Variants in DDX31 observed in about 807,000 individuals in gnomAD.
The protein encoded by DDX31 is ATP-dependent DNA helicase DDX31.
In DDX31, 70 loss-of-function variants were observed where a neutral mutation model predicts 91.3. That is an observed-to-expected ratio of 0.77 (90% CI 0.63 to 0.94). The LOEUF is 0.94. DDX31 is among the 40% of genes least tolerant of loss of function. The pLI, the probability that DDX31 is intolerant of heterozygous loss-of-function variation, is 0.00. For synonymous variants in DDX31, 362 were observed against 350.6 expected (o/e 1.03, Z -0.36); for missense variants, 902 against 925.0 (o/e 0.98, Z 0.32).
At chr9:132,635,455 CTTTTTTT>C (rs981082655) in intron 14 of DDX31, among the ~76,000 whole-genome samples, 2 of 104,724 alleles carry the variant, frequency 1.9e-5, no homozygotes, top group African/African-American at 3.4e-5. Context: ...ATGTACATAG[CTTTTTTT>C]TTTTTTTTTT....
intron 16 of DDX31, among the ~76,000 whole-genome samples, chr9:132,626,661 C>T (rs1241381528): frequency 9.4e-5 from 14 of 149,102 alleles, no homozygotes. Flanking sequence ...GAAAATGTAA[C>T]AGCAAATTAA....
intron 18 of DDX31, among the ~76,000 whole-genome samples, chr9:132,616,880 T>C (rs544125745): frequency 2.0e-5 from 3 of 152,360 alleles, no homozygotes; most frequent in Admixed American, 6.5e-5. Context: ...ATTGCAATTA[T>C]AATGTGCTAA....
chr9:132,601,541 C>T (rs1830721511), intron 19 of DDX31, among the ~76,000 whole-genome samples: 1 of 152,244 alleles, frequency 6.6e-6, no homozygotes, highest in Admixed American at 6.5e-5. Context: ...GAGCATCCAT[C>T]AGTGGAGCCG....
intron 13 of DDX31, 60 bp from the exon 14 acceptor site, chr9:132,642,123 C>T: frequency 6.8e-7 from 1 of 1,463,552 alleles, no homozygotes; most frequent in Non-Finnish European, 9.6e-7. Flanking sequence ...GCAAGGTAGG[C>T]TTACATCTCC....
rs748155369 is a variant in DDX31 at position 132,612,153 on chromosome 9, C to T, written c.1928G>A (p.Gly643Glu). ...LHLGHVAKSF[G>E]LRDAPRNLSA... ...AAGATTCCTGGGGGCATCTCTTAGT[C>T]CGAAGCTCTTCGCCACATGCCCAAG... The change falls in exon 19 of 20, where the codon GGA (glycine) becomes GAA (glutamate). Residue 643 changes from glycine to glutamate, a missense_variant. Transcript: ENST00000372159. The T allele has an allele frequency of 6.2e-6, 10 of 1,614,062 alleles. No individual in the cohort carries two copies. The highest frequency in any genetic ancestry group is 1.3e-5 in the African/African-American group (1 of 74,922).
intron 18 of DDX31, among the ~76,000 whole-genome samples, chr9:132,617,107 C>T (rs1210401444): frequency 1.3e-5 from 2 of 152,150 alleles, no homozygotes; most frequent in African/African-American, 2.4e-5. Context: ...CAAAGTCCTA[C>T]GTGATTCTGC....
At chr9:132,606,467 C>G (rs572018741) in intron 19 of DDX31, among the ~76,000 whole-genome samples, 1 of 152,296 alleles carries the variant, frequency 6.6e-6, no homozygotes, top group East Asian at 1.9e-4. Flanking sequence ...GTTCACTTTT[C>G]GTACTCTCGG....
intron 1 of DDX31, 129 bp downstream of exon 1, chr9:132,669,731 C>G (rs1037665798): frequency 5.0e-5 from 77 of 1,530,634 alleles, no homozygotes; most frequent in Non-Finnish European, 6.6e-5. Context: ...CCCGAAGCTG[C>G]CCGGTGTCTT....
chr9:132,654,717 G>A (rs781648629), intron 6 of DDX31, among the ~76,000 whole-genome samples: 1 of 152,202 alleles, frequency 6.6e-6, no homozygotes, highest in African/African-American at 2.4e-5. Flanking sequence ...AGGCCAAGGC[G>A]GGTGGATCAC....
rs1215067443 is a variant in DDX31, at chr9:132,595,779, G to A, written c.1995-667C>T. 6.6e-6 allele frequency among the ~76,000 whole-genome samples: 1 copy of A among 152,196 alleles called. No homozygotes were observed. The highest frequency in any genetic ancestry group is 1.5e-5 in the Non-Finnish European group (1 of 68,038). On this transcript the variant is annotated intron_variant, in intron 19 of 19. Coordinates refer to ENST00000372159, the MANE Select transcript of DDX31 (RefSeq NM_022779.9). The surrounding 1 kb of genome is among the most constrained non-coding windows in gnomAD (Gnocchi z 4.6). The stretch of plus-strand genomic sequence containing the variant: ...TTCTGCAGCCCACACAAACCCGGGT[G>A]TTAGAGGGAGGTCTCTCCCTACCCT...
chr9:132,613,113 C>G (rs1012051777), intron 18 of DDX31, among the ~76,000 whole-genome samples: 24 of 152,076 alleles, frequency 1.6e-4, no homozygotes, highest in Admixed American at 1.6e-3. Context: ...AACTCCTGAC[C>G]TCAGGTGGTC....
chr9:132,638,277 AT>A (rs1490633240), intron 14 of DDX31: 1 of 1,608,774 alleles, frequency 6.2e-7, no homozygotes. Flanking sequence ...TTTTCCGGCC[AT>A]TCGGTGGTAC....
intron 13 of DDX31, among the ~76,000 whole-genome samples, chr9:132,643,047 C>T (rs939492918): frequency 9.9e-5 from 15 of 152,126 alleles, no homozygotes; most frequent in South Asian, 4.1e-4. Context: ...TGGTCTCGAA[C>T]GCCTGAGCTC....
intron 19 of DDX31, among the ~76,000 whole-genome samples, chr9:132,603,012 A>C (rs970583021): frequency 1.9e-5 from 2 of 107,510 alleles, no homozygotes; most frequent in African/African-American, 7.2e-5. Context: ...TCTAAGACTC[A>C]GAATCACATG....
chr9:132,669,673 C>G lies in DDX31; in HGVS notation c.75+187G>C, dbSNP rs1303920548. 2.0e-6 allele frequency: 3 copies of G among 1,533,454 alleles called. No homozygotes were observed. The South Asian group carries it at 3.6e-5, about 18-fold the overall frequency. The allele number at this position is 1,533,454 out of a possible 1,614,324, so 95.0% of individuals were successfully genotyped here. ...TCCACTCCCCGCTTCCAGGCGCATC[C>G]CTGCGGGTGGTGTTCCGGTTAGAGA... On this transcript the variant is annotated intron_variant, in intron 1 of 19. Coordinates refer to ENST00000372159, the MANE Select transcript of DDX31 (RefSeq NM_022779.9).
intron 1 of DDX31, among the ~76,000 whole-genome samples, chr9:132,667,257 C>T (rs1040366689): frequency 3.9e-5 from 6 of 152,126 alleles, no homozygotes; most frequent in African/African-American, 1.4e-4. Context: ...CAAGTTCAGG[C>T]TACTGGCAAG....
At chr9:132,625,996 T>C (rs902478363) in intron 16 of DDX31, among the ~76,000 whole-genome samples, 3 of 152,160 alleles carry the variant, frequency 2.0e-5, no homozygotes, top group Non-Finnish European at 4.4e-5. Flanking sequence ...CATTTAGAAT[T>C]TCCTTAATAG....
At chr9:132,669,544 A>C in intron 1 of DDX31, 1 of 1,419,332 alleles carries the variant, frequency 7.0e-7, no homozygotes, top group Non-Finnish European at 9.3e-7. Flanking sequence ...TTGGCCTGGG[A>C]CTTGCGCCGG....
intron 17 of DDX31, among the ~76,000 whole-genome samples, chr9:132,622,194 CTG>C (rs1343604758): frequency 6.6e-6 from 1 of 152,148 alleles, no homozygotes; most frequent in East Asian, 1.9e-4. Flanking sequence ...GATGGGAAAA[CTG>C]AGACTGGGGA....
Sources: allele counts gnomAD v4.1 joint callset (sites outside exome capture counted in the v4.1 genomes callset), GRCh38; gene constraint gnomAD v4.1.1; non-coding constraint Gnocchi (gnomAD v3.1); transcripts MANE v1.5; gene names NCBI Gene and HGNC (gene_info 2026-07-23, HGNC 2026-07-21).